The following PRKN variants were observed in gnomAD, a reference collection of about 807,000 sequenced individuals.
PRKN encodes the protein parkin RBR E3 ubiquitin protein ligase, also known as E3 ubiquitin-protein ligase parkin.
A neutral mutation model predicts 59.5 loss-of-function variants in PRKN; 56 were observed. That is an observed-to-expected ratio of 0.94 (90% confidence interval 0.76 to 1.18). The LOEUF is 1.18. PRKN is among the 50% of genes most tolerant of loss of function. The probability of loss-of-function intolerance (pLI) is 0.00; values close to 1 mark genes in which losing one functional copy is unlikely to be tolerated. For missense variants in PRKN, 657 were observed against 596.4 expected (o/e 1.10, Z -1.06); for synonymous variants, 250 against 222.1 (o/e 1.13, Z -1.12).
chr6:162,075,529 C>T (rs531510851), intron 4 of PRKN, among the ~76,000 whole-genome samples: 1 of 152,030 alleles, frequency 6.6e-6, no homozygotes, highest in East Asian at 1.9e-4. Flanking sequence ...ATAAAAAGTC[C>T]ACATTGTATT....
At position 161,782,777 on chromosome 6, in the gene PRKN, C is replaced by T. The variant is rs896293919; in HGVS notation, c.871+2995G>A. Among the ~76,000 whole-genome samples the T allele has an allele frequency of 6.6e-5, 10 of 152,110 alleles. No individual in the cohort carries two copies. The South Asian group carries it at 1.9e-3, about 28-fold the overall frequency. ...GGCATGGTGGCATGCACCTGTAGTC[C>T]CAGCTACTTGGGAGGCTGAGGCAGG... On this transcript the variant is annotated intron_variant, in intron 7 of 11. Coordinates refer to ENST00000366898, the MANE Select transcript of PRKN (RefSeq NM_004562.3).
Position 161,408,030 on chromosome 6 carries a change from T to C in PRKN, c.1084-21153A>G, listed in dbSNP as rs528291437. Among the ~76,000 whole-genome samples the C allele has an allele frequency of 2.6e-5, 4 of 152,294 alleles. No homozygotes were observed. In the South Asian group the frequency reaches 8.3e-4, roughly 32 times the overall value. On this transcript the variant is annotated intron_variant, in intron 9 of 11. Transcript: ENST00000366898. ...TTGCACCCAAGTGAATAAACAGCTT[T>C]ATTGCTCACACAGAGCCTGTTTGGT...
chr6:162,150,071 C>T (rs1004580414), intron 4 of PRKN, among the ~76,000 whole-genome samples: 4 of 152,070 alleles, frequency 2.6e-5, no homozygotes, highest in African/African-American at 7.2e-5. Context: ...AGTAAAAAAG[C>T]CAATAGGAAT....
intron 1 of PRKN, among the ~76,000 whole-genome samples, chr6:162,513,380 G>A (rs913015287): frequency 6.6e-6 from 1 of 152,070 alleles, no homozygotes; most frequent in Non-Finnish European, 1.5e-5. Flanking sequence ...TCCGGAGGCT[G>A]AGGTGGGAGA....
intron 2 of PRKN, among the ~76,000 whole-genome samples, chr6:162,421,767 G>C (rs1788978650): frequency 6.6e-6 from 1 of 152,064 alleles, no homozygotes; most frequent in African/African-American, 2.4e-5. Flanking sequence ...AAAGGACTCA[G>C]GAACATCATT....
chr6:162,336,412 T>A (rs1032693882), intron 2 of PRKN, among the ~76,000 whole-genome samples: 5 of 152,150 alleles, frequency 3.3e-5, no homozygotes, highest in Admixed American at 1.3e-4. Flanking sequence ...ATCCACACTT[T>A]ACAATTTTAA....
intron 4 of PRKN, among the ~76,000 whole-genome samples, chr6:162,153,155 C>T (rs548267569): frequency 6.6e-6 from 1 of 152,302 alleles, no homozygotes; most frequent in South Asian, 2.1e-4. Flanking sequence ...CAGAGCTGTC[C>T]CGTTTACTCA....
intron 4 of PRKN, among the ~76,000 whole-genome samples, chr6:162,062,166 T>C (rs1292067910): frequency 6.6e-6 from 1 of 152,200 alleles, no homozygotes; most frequent in African/African-American, 2.4e-5. Context: ...GGCACCCACA[T>C]ATCTATGAAA....
At chr6:161,875,968 C>T (rs1183441384) in intron 6 of PRKN, among the ~76,000 whole-genome samples, 5 of 152,056 alleles carry the variant, frequency 3.3e-5, no homozygotes, top group Non-Finnish European at 7.4e-5. Context: ...GACTTACATT[C>T]CCAGGTAGTG....
chr6:161,940,728 G>A (rs1779530797), intron 6 of PRKN, among the ~76,000 whole-genome samples: 1 of 152,182 alleles, frequency 6.6e-6, no homozygotes, highest in African/African-American at 2.4e-5. Context: ...GAAAGTGACT[G>A]TTCAGAAATC....
intron 1 of PRKN, among the ~76,000 whole-genome samples, chr6:162,480,088 T>A (rs192257013): frequency 6.6e-6 from 1 of 151,750 alleles, no homozygotes; most frequent in African/African-American, 2.4e-5. Context: ...ATAGTATAAG[T>A]TCTATAAAAT....
chr6:162,143,564 C>T (rs1211209437), intron 4 of PRKN, among the ~76,000 whole-genome samples: 4 of 152,096 alleles, frequency 2.6e-5, no homozygotes, highest in African/African-American at 7.2e-5. Context: ...GGACTTTGTT[C>T]CTAGCAGGTG....
intron 2 of PRKN, chr6:162,270,144 G>T (rs536325721): frequency 1.3e-5 from 2 of 152,306 alleles, no homozygotes; most frequent in South Asian, 4.1e-4. Context: ...TCAATGAGTG[G>T]ATAAAGAAAT....
At position 161,357,928 on chromosome 6, in the gene PRKN, T is replaced by G. The variant is rs1185672118; in HGVS notation, c.1285+2160A>C. Among the ~76,000 whole-genome samples, 1 of 152,222 alleles carries G rather than the reference T, an allele frequency of 6.6e-6. No homozygotes were observed. Among genetic ancestry groups the G allele is most frequent in the Non-Finnish European group, 1.5e-5 (1 of 68,038 alleles). ...CCCATCTTATGAACGAGCAAACTGG[T>G]GCTCACACAGCCACAGTCCATGGCA... On this transcript the variant is annotated intron_variant, in intron 11 of 11. Transcript: ENST00000366898. This position sits in a 1 kb window ranked among gnomAD's most constrained non-coding sequence, Gnocchi z 5.5.
chr6:161,854,169 C>T (rs117503776), intron 6 of PRKN, among the ~76,000 whole-genome samples: 3,997 of 151,270 alleles, frequency 0.026, 78 homozygotes, highest in South Asian at 0.065. Flanking sequence ...GCAGGAGAAT[C>T]GCTTGAACCT....
intron 8 of PRKN, among the ~76,000 whole-genome samples, chr6:161,568,762 T>C (rs1364448010): frequency 1.3e-5 from 2 of 152,162 alleles, no homozygotes; most frequent in Admixed American, 6.5e-5. Context: ...TTCCATACTA[T>C]ATATGTGTGT....
chr6:161,559,856 A>AGAT (rs1780386998), intron 8 of PRKN, among the ~76,000 whole-genome samples: 1 of 152,220 alleles, frequency 6.6e-6, no homozygotes, highest in Non-Finnish European at 1.5e-5. Flanking sequence ...GGATTGTATT[A>AGAT]GATGGCTTCA....
chr6:162,129,098 A>T (rs1421779697), intron 4 of PRKN, among the ~76,000 whole-genome samples: 4 of 152,192 alleles, frequency 2.6e-5, no homozygotes, highest in Admixed American at 6.5e-5. Context: ...GGGTTTTATG[A>T]TCCTAATGAA....
chr6:162,041,885 T>A (rs1784080800), intron 5 of PRKN, among the ~76,000 whole-genome samples: 1 of 152,162 alleles, frequency 6.6e-6, no homozygotes, highest in Non-Finnish European at 1.5e-5. Flanking sequence ...GTCCCGTACG[T>A]GTGGCTGACA....
Sources: allele counts gnomAD v4.1 joint callset (sites outside exome capture counted in the v4.1 genomes callset), GRCh38; gene constraint gnomAD v4.1.1; non-coding constraint Gnocchi (gnomAD v3.1); transcripts MANE v1.5; gene names NCBI Gene and HGNC (gene_info 2026-07-23, HGNC 2026-07-21).